Variants in DUOX2 observed in about 807,000 individuals in gnomAD.
DUOX2 encodes the protein NADH/NADPH thyroid oxidase p138-tox.
In DUOX2, 185 loss-of-function variants were observed where a neutral mutation model predicts 183.3. The ratio of observed to expected loss-of-function variants is 1.01; its 90% CI spans 0.90 to 1.14. The LOEUF (loss-of-function observed/expected upper bound fraction) is 1.14. Ranked by LOEUF, DUOX2 falls within the 50% of genes most tolerant of loss-of-function variation. DUOX2 has a pLI of 0.00. For missense variants in DUOX2, 1,999 were observed against 2,022.9 expected (o/e 0.99, Z 0.23); for synonymous variants, 788 against 812.4 (o/e 0.97, Z 0.51).
chr15:45,101,347 C>T (rs1894077219), intron 21 of DUOX2, 73 bp from the exon 22 acceptor site: 2 of 1,324,432 alleles, frequency 1.5e-6, no homozygotes, highest in African/African-American at 1.4e-5. Context: ...ACTGTGCCCT[C>T]CTCCCTTCTG....
At chr15:45,103,522 C>G (rs906895068) in intron 20 of DUOX2, among the ~76,000 whole-genome samples, 1 of 152,180 alleles carries the variant, frequency 6.6e-6, no homozygotes, top group Non-Finnish European at 1.5e-5. Flanking sequence ...TATGGAGAAG[C>G]CTTCCACGTT....
At chr15:45,095,719 T>C (rs1157633671) in intron 30 of DUOX2, 109 bp downstream of exon 30, 14 of 1,543,970 alleles carry the variant, frequency 9.1e-6, no homozygotes, top group Non-Finnish European at 1.2e-5. Context: ...CCCGGTCCTC[T>C]CCCAGGCTGG....
At position 45,100,817 on chromosome 15, in the gene DUOX2, C is replaced by G; in HGVS notation, c.2943G>C (p.Gly981=). ...GCTCTGGGGCTTCTGGGGCAGGGGG[C>G]CCCAGTCCCTGGGGGTGGGAGCTGA... The part of the protein sequence containing the change: ...PGERSHPQGL[G]PPAPEAPELG... Residue 981 remains glycine (G), a synonymous_variant, in exon 23 of 34, where the codon GGG becomes GGC. Coordinates refer to ENST00000389039, the MANE Select transcript of DUOX2 (RefSeq NM_001363711.2). 6.2e-7 allele frequency: 1 copy of G among 1,613,452 alleles called. No individual in the cohort carries two copies.
At chr15:45,102,049 G>T in intron 20 of DUOX2, 60 bp from the exon 21 acceptor site, 1 of 1,583,700 alleles carries the variant, frequency 6.3e-7, no homozygotes, top group African/African-American at 1.3e-5. Context: ...TTGGGTAGGT[G>T]CAGGGTGGGG....
At position 45,095,631 on chromosome 15, in the gene DUOX2, C is replaced by T. The variant is rs770824980; in HGVS notation, c.4081-36G>A. ...AGGGGGGAGATGAAATGAGCCTGACCCTGCCCCAGCTCTGAGACCAGAAAC... is the reference window on the plus strand; with the variant it reads ...AGGGGGGAGATGAAATGAGCCTGACTCTGCCCCAGCTCTGAGACCAGAAAC... On this transcript the variant is annotated intron_variant, in intron 30 of 33. Transcript: ENST00000389039. 5 of 1,614,074 alleles carry T rather than the reference C, an allele frequency of 3.1e-6. No individual in the cohort carries two copies. In the South Asian group the frequency reaches 4.4e-5, roughly 14 times the overall value.
chr15:45,096,112 C>T (rs1566971307), intron 29 of DUOX2, 52 bp from the exon 30 acceptor site: 1 of 1,502,830 alleles, frequency 6.7e-7, no homozygotes, highest in Middle Eastern at 1.7e-4. Flanking sequence ...GCTCCTGGTA[C>T]CTGAGGACTG....
chr15:45,113,278 C>G, intron 2 of DUOX2, 64 bp downstream of exon 2: 1 of 1,537,146 alleles, frequency 6.5e-7, no homozygotes, highest in South Asian at 1.2e-5. Context: ...TGCCGCACCT[C>G]TCCCCGCCCC....
In DUOX2 at chr15:45,095,820, A is replaced by G. The variant is rs1449506143; in HGVS notation, c.4080+8T>C. ...AGGCCCGGAAGCAGGGTTCCCAGTG[A>G]CGGGCACCTTTGGGTATCCAGCACA... On this transcript the variant is annotated splice_region_variant and intron_variant, in intron 30 of 33. Coordinates refer to ENST00000389039, the MANE Select transcript of DUOX2 (RefSeq NM_001363711.2). 1 of 1,611,854 alleles carries G rather than the reference A, an allele frequency of 6.2e-7. No individual in the cohort carries two copies. The highest frequency in any genetic ancestry group is 8.5e-7 in the Non-Finnish European group (1 of 1,178,236).
rs200459845 is a variant in DUOX2, at chr15:45,099,389, T to G, written c.3509A>C (p.Asn1170Thr). ...AACCATCCCCAGAACTGACCCATCA[T>G]TCACAAAGACGTTGGGGAATATGCA... ...LACIFPNVFV[N>T]DGSKLPQKFY... is the part of the protein sequence containing the mutation. The change falls in exon 26 of 34, where the codon AAT (asparagine) becomes ACT (threonine). Residue 1170 changes from asparagine (N) to threonine (T), a missense_variant. By Grantham distance (65) the Asn-to-Thr change is moderately conservative. Transcript: ENST00000389039. The G allele has an allele frequency of 3.1e-5, 50 of 1,613,758 alleles. No homozygotes were observed. The highest frequency in any genetic ancestry group is 5.0e-5 in the Admixed American group (3 of 59,996).
rs771414514 is a variant in DUOX2 at position 45,106,229 on chromosome 15, G to T, written c.2044C>A (p.Leu682Ile). Residue 682 changes from leucine to isoleucine, a missense_variant, in exon 17 of 34, where the codon CTC becomes ATC. By Grantham distance (5) the Leu-to-Ile change is conservative (BLOSUM62 2). Around this residue, in one of 3 missense-constraint regions of DUOX2, gnomAD observed 1,628 missense variants for 1,608.6 expected, o/e 1.01. Transcript: ENST00000389039. ...AGAGGCTGCAGCTGGACCACACGGA[G>T]CACAGTGAGATGCCTGTTCAGGACC... ...LQVLNRHLTV[L>I]RVVQLQPLQQ... 6.2e-7 allele frequency: 1 copy of T among 1,614,154 alleles called. No individual in the cohort carries two copies.
At chr15:45,111,084 G>A in intron 7 of DUOX2, 27 bp downstream of exon 7, 1 of 862,664 alleles carries the variant, frequency 1.2e-6, no homozygotes, top group South Asian at 1.7e-5. Context: ...GCGGAAGGGA[G>A]GACGTCGCGG....
chr15:45,095,221 C>G, intron 31 of DUOX2, 130 bp from the exon 32 acceptor site: 1 of 1,430,792 alleles, frequency 7.0e-7, no homozygotes, highest in Non-Finnish European at 9.4e-7. Context: ...GACCCACCAG[C>G]CTGATCCCAG....
intron 13 of DUOX2, 111 bp downstream of exon 13, chr15:45,107,936 G>A: frequency 1.7e-6 from 2 of 1,200,842 alleles, no homozygotes; most frequent in South Asian, 1.2e-5. Flanking sequence ...TGGGAAGGGT[G>A]TGGTGGGCTG....
intron 17 of DUOX2, 80 bp from the exon 18 acceptor site, chr15:45,105,908 T>G (rs569486047): frequency 1.3e-6 from 2 of 1,575,874 alleles, no homozygotes; most frequent in African/African-American, 2.7e-5. Flanking sequence ...GATCTTGGGT[T>G]GAGGGGAGGA....
rs777841850 is a variant in DUOX2 at position 45,099,345 on chromosome 15, C to G, written c.3515+38G>C. 1.2e-5 allele frequency: 19 copies of G among 1,584,350 alleles called. No homozygotes were observed. In the South Asian group the frequency reaches 2.1e-4, roughly 18 times the overall value. Reference sequence around the variant, plus strand: ...TTTTTCTATTATACCCTTGGGCCCACCCTATGAGTCCCAGGAGAAACCATC... The same window carrying G: ...TTTTTCTATTATACCCTTGGGCCCAGCCTATGAGTCCCAGGAGAAACCATC... On this transcript the variant is annotated intron_variant, in intron 26 of 33. Coordinates refer to ENST00000389039, the MANE Select transcript of DUOX2 (RefSeq NM_001363711.2).
rs1374865114 is a variant in DUOX2, at chr15:45,111,596, C to T, written c.514-11G>A. 2.0e-6 allele frequency: 3 copies of T among 1,528,606 alleles called. No individual in the cohort carries two copies. Among genetic ancestry groups the T allele is most frequent in the Non-Finnish European group, 1.7e-6 (2 of 1,143,310 alleles). The allele number at this position is 1,528,606 out of a possible 1,614,324, so 94.7% of individuals were successfully genotyped here. ...CGTCACCTGGTTGGCCTGCGGGGCA[C>T]GCGGCGGGTGAGCCCGGGTCGAGAG... On this transcript the variant is annotated splice_polypyrimidine_tract_variant and intron_variant, in intron 5 of 33. Transcript: ENST00000389039.
chr15:45,105,530 C>A, intron 18 of DUOX2, 113 bp downstream of exon 18: 1 of 1,335,238 alleles, frequency 7.5e-7, no homozygotes, highest in East Asian at 2.3e-5. Context: ...AAGGCTATTT[C>A]TCTCCAGGCC....
rs886051187 is a variant in DUOX2 at position 45,092,835 on chromosome 15, T to G, written c.*1315A>C. ...TGGATGAATTACAAAGGCATTATGG[T>G]GAGTAAAAGAGGCCAGTCTCAAAAG... On this transcript the variant is annotated 3_prime_UTR_variant, in exon 34 of 34. Coordinates refer to ENST00000389039, the MANE Select transcript of DUOX2 (RefSeq NM_001363711.2). 4 of 152,058 alleles carry G rather than the reference T, an allele frequency of 2.6e-5. No homozygotes were observed. The highest frequency in any genetic ancestry group is 6.5e-5 in the Admixed American group (1 of 15,268). The allele number at this position is 152,058 out of a possible 1,614,324, so 9.4% of individuals were successfully genotyped here.
rs773175016 is a variant in DUOX2, at chr15:45,094,936, T to A, written c.4395A>T (p.Leu1465=). The change falls in exon 32 of 34, where the codon CTA becomes CTT. Residue 1465 remains leucine (L), a splice_region_variant and synonymous_variant. Coordinates refer to ENST00000389039, the MANE Select transcript of DUOX2 (RefSeq NM_001363711.2). ...AEKFDLRTTM[L]YICERHFQKV... is the part of the protein sequence containing the mutation. ...CCCTGCCTGGCGGGCCCTGACATACTAGCATGGTGGTCCTGAGGTCGAACT... is the reference window on the plus strand; with the variant it reads ...CCCTGCCTGGCGGGCCCTGACATACAAGCATGGTGGTCCTGAGGTCGAACT... The A allele has an allele frequency of 2.5e-6, 4 of 1,613,904 alleles. No homozygotes were observed. The African/African-American group carries it at 5.3e-5, about 22-fold the overall frequency.
Sources: gnomAD v4.1 joint callset for allele counts (sites outside exome capture counted in the v4.1 genomes callset) on GRCh38, gnomAD v4.1.1 for gene constraint, gnomAD v4.1.1 regional missense constraint, MANE v1.5 for transcripts, NCBI Gene and HGNC (gene_info 2026-07-23, HGNC 2026-07-21) for gene names.